Variants in POLR2M observed in about 807,000 individuals in gnomAD.
The protein encoded by POLR2M is RNA polymerase II subunit M.
In POLR2M, 30 loss-of-function variants were observed where a neutral mutation model predicts 34.6. That is an observed-to-expected ratio of 0.87 (90% CI 0.65 to 1.18). POLR2M has a LOEUF of 1.18. Ranked by LOEUF, POLR2M falls within the 50% of genes most tolerant of loss-of-function variation. POLR2M has a pLI of 0.00. For missense variants in POLR2M, 432 were observed against 448.7 expected (o/e 0.96, Z 0.34); for synonymous variants, 150 against 166.7 (o/e 0.90, Z 0.77).
At chr15:57,708,328 A>G (rs2040574414) in intron 1 of POLR2M, among the ~76,000 whole-genome samples, 1 of 152,208 alleles carries the variant, frequency 6.6e-6, no homozygotes, top group Non-Finnish European at 1.5e-5. Flanking sequence ...ATATCTTAGT[A>G]TTATTATGAA....
chr15:57,711,690 G>T (rs2040720510), intron 2 of POLR2M, among the ~76,000 whole-genome samples: 1 of 147,836 alleles, frequency 6.8e-6, no homozygotes, highest in African/African-American at 2.5e-5. Flanking sequence ...AACTTTACAT[G>T]TGTATTTCTT....
rs2040965267 is a variant in POLR2M at position 57,716,801 on chromosome 15, T to C, written c.*2122T>C. 6.6e-6 allele frequency: 1 copy of C among 152,250 alleles called. No individual in the cohort carries two copies. 9.4% of individuals were successfully genotyped at this position (152,250 alleles called of 1,614,324 possible). On this transcript the variant is annotated 3_prime_UTR_variant, in exon 4 of 4. Transcript: ENST00000299638. ...GCCTTATTTGTCATTTAACATAGTT[T>C]GTGGTATTTCAGTATAGAAGTTGTT... is the stretch of plus-strand genomic sequence containing the variant.
At position 57,713,820 on chromosome 15, in the gene POLR2M, C is replaced by CT. The variant is rs869161314; in HGVS notation, c.964-677dup. On this transcript the variant is annotated intron_variant, in intron 3 of 3. Coordinates refer to ENST00000299638, the MANE Select transcript of POLR2M (RefSeq NM_015532.5). ...AGAAATCTAGACAGCATTAGTCCTT[C>CT]TTTTTTTTTTTTTTTTTTTTTTTTT... Among the ~76,000 whole-genome samples, 56 of 65,640 alleles carry CT rather than the reference C, an allele frequency of 8.5e-4. 5 individuals carry two copies. The highest frequency in any genetic ancestry group is 1.5e-3 in the African/African-American group (26 of 16,796). The allele number at this position is 65,640 out of a possible 152,430, so 43.1% of individuals were successfully genotyped here.
At chr15:57,707,177 G>A (rs886613141) in intron 1 of POLR2M, 20 of 1,486,834 alleles carry the variant, frequency 1.3e-5, no homozygotes, top group Non-Finnish European at 5.4e-6. Flanking sequence ...GGATTGAACG[G>A]CTACCTGGCG....
rs11858659 is a variant in POLR2M at position 57,707,106 on chromosome 15, G to C, written c.113+151G>C. ...AGTCCTACGGGCGAGTGGACGGAGG[G>C]CTTGCTGCGGCAGAGCCGTGCCTCT... On this transcript the variant is annotated intron_variant, in intron 1 of 3. Transcript: ENST00000299638. The C allele has an allele frequency of 0.057, 87,537 of 1,546,134 alleles. 2,920 individuals are homozygous for C. The highest frequency in any genetic ancestry group is 0.1 in the Middle Eastern group (609 of 5,974).
intron 1 of POLR2M, chr15:57,707,158 G>A (rs1191981364): frequency 2.0e-6 from 3 of 1,509,548 alleles, no homozygotes; most frequent in African/African-American, 1.4e-5. Context: ...ATGCCTGCGA[G>A]GATAGCTCGG....
At chr15:57,710,252 A>G (rs1230510703) in intron 2 of POLR2M, among the ~76,000 whole-genome samples, 3 of 152,250 alleles carry the variant, frequency 2.0e-5, no homozygotes, top group Non-Finnish European at 4.4e-5. Context: ...TCCTTGCCAT[A>G]AATTTGTTTC....
In POLR2M at chr15:57,715,532, T is replaced by C. The variant is rs2040906708; in HGVS notation, c.*853T>C. On this transcript the variant is annotated 3_prime_UTR_variant, in exon 4 of 4. Transcript: ENST00000299638. ...GCATCACCTGGCTTGAGTTCCTTGC[T>C]GTCACAGATGATAGGTTCATGTACA... is the stretch of plus-strand genomic sequence containing the variant. 1 of 152,224 alleles carries C rather than the reference T, an allele frequency of 6.6e-6. No homozygotes were observed. The highest frequency in any genetic ancestry group is 2.4e-5 in the African/African-American group (1 of 41,450). 9.4% of individuals were successfully genotyped at this position (152,224 alleles called of 1,614,324 possible).
At position 57,714,748 on chromosome 15, in the gene POLR2M, G is replaced by C; in HGVS notation, c.*69G>C. ...CATCAGACTTTCTAACTAGTATCAA[G>C]ATCAGTGTCAGATATTGTTGAGGGA... is the stretch of plus-strand genomic sequence containing the variant. On this transcript the variant is annotated 3_prime_UTR_variant, in exon 4 of 4. Transcript: ENST00000299638. 6.4e-7 allele frequency: 1 copy of C among 1,569,046 alleles called. No homozygotes were observed.
Position 57,714,806 on chromosome 15 carries a change from T to C in POLR2M, c.*127T>C, listed in dbSNP as rs2040879484. 1.4e-6 allele frequency: 2 copies of C among 1,449,566 alleles called. No homozygotes were observed. Among genetic ancestry groups the C allele is most frequent in the Non-Finnish European group, 1.8e-6 (2 of 1,083,790 alleles). The allele number at this position is 1,449,566 out of a possible 1,614,324, so 89.8% of individuals were successfully genotyped here. A position where few individuals can be genotyped will look rare whatever the true frequency, so the allele number is the denominator to read the frequency against. On this transcript the variant is annotated 3_prime_UTR_variant, in exon 4 of 4. Transcript: ENST00000299638. ...TTATAAAGTTACACAAAGGTAGTTA[T>C]AAAAAAAGCCCAGTTTGTCTTTCAG...
At chr15:57,712,312 C>G (rs2040758213) in intron 3 of POLR2M, 124 bp downstream of exon 3, 1 of 1,127,624 alleles carries the variant, frequency 8.9e-7, no homozygotes, top group African/African-American at 1.6e-5. Flanking sequence ...GAGCTCAGAT[C>G]TATGCCACTA....
chr15:57,710,631 C>A (rs958573141), intron 2 of POLR2M, among the ~76,000 whole-genome samples: 29 of 152,260 alleles, frequency 1.9e-4, no homozygotes, highest in Non-Finnish European at 5.9e-5. Context: ...GAACCATCAT[C>A]TAGTCAATAA....
rs1159556827 is a variant in POLR2M, at chr15:57,716,254, C to G, written c.*1575C>G. 4.6e-5 allele frequency: 7 copies of G among 152,362 alleles called. No individual in the cohort carries two copies. Among genetic ancestry groups the G allele is most frequent in the Admixed American group, 3.9e-4 (6 of 15,302 alleles). 9.4% of individuals were successfully genotyped at this position (152,362 alleles called of 1,614,324 possible). On this transcript the variant is annotated 3_prime_UTR_variant, in exon 4 of 4. Transcript: ENST00000299638. ...CATATTAAATATTTTGCTTTTTAGA[C>G]AGCTGTAGGATATTTTATTTCATGG...
At chr15:57,709,608 A>T (rs2040631896) in intron 2 of POLR2M, among the ~76,000 whole-genome samples, 1 of 152,176 alleles carries the variant, frequency 6.6e-6, no homozygotes, top group Non-Finnish European at 1.5e-5. Flanking sequence ...TGTAGTTAGG[A>T]AATAACATGT....
chr15:57,714,069 G>A (rs1007649244), intron 3 of POLR2M, among the ~76,000 whole-genome samples: 1 of 151,826 alleles, frequency 6.6e-6, no homozygotes, highest in Non-Finnish European at 1.5e-5. Flanking sequence ...GGATGGTCTC[G>A]ATCTCCTGAC....
At chr15:57,707,842 C>G (rs2040554378) in intron 1 of POLR2M, among the ~76,000 whole-genome samples, 1 of 152,132 alleles carries the variant, frequency 6.6e-6, no homozygotes, top group Non-Finnish European at 1.5e-5. Context: ...TGGAAAAATA[C>G]AGAAAACAGG....
intron 2 of POLR2M, among the ~76,000 whole-genome samples, chr15:57,710,598 C>T (rs1002700818): frequency 6.6e-6 from 1 of 152,144 alleles, no homozygotes; most frequent in Admixed American, 6.5e-5. Context: ...TCTTCACTTC[C>T]AGGATGACAT....
intron 2 of POLR2M, among the ~76,000 whole-genome samples, chr15:57,711,164 C>T (rs2040695910): frequency 1.3e-5 from 2 of 152,288 alleles, no homozygotes; most frequent in Middle Eastern, 3.4e-3. Context: ...CCTAAGGTAT[C>T]TTCGATTTTT....
rs1595978887 is a variant in POLR2M at position 57,706,727 on chromosome 15, A to G, written c.-116A>G. On this transcript the variant is annotated 5_prime_UTR_variant, in exon 1 of 4. Coordinates refer to ENST00000299638, the MANE Select transcript of POLR2M (RefSeq NM_015532.5). ...GAAGAAGACCCCGTTCTTCCGGGAAAATGGCGACTCCCGCTCGTGCCCCGG... is the reference window on the plus strand; with the variant it reads ...GAAGAAGACCCCGTTCTTCCGGGAAGATGGCGACTCCCGCTCGTGCCCCGG... The G allele has an allele frequency of 8.3e-7, 1 of 1,205,732 alleles. No individual in the cohort carries two copies. The highest frequency in any genetic ancestry group is 2.6e-5 in the East Asian group (1 of 37,796). The allele number at this position is 1,205,732 out of a possible 1,614,324, so 74.7% of individuals were successfully genotyped here.
Sources: allele counts gnomAD v4.1 joint callset (sites outside exome capture counted in the v4.1 genomes callset), GRCh38; gene constraint gnomAD v4.1.1; transcripts MANE v1.5; gene names NCBI Gene and HGNC (gene_info 2026-07-23, HGNC 2026-07-21).